Variants in APOBEC3B observed in about 807,000 individuals in gnomAD.
APOBEC3B encodes DNA dC->dU-editing enzyme APOBEC-3B.
APOBEC3B carries 29 observed loss-of-function variants against 53.4 expected under a neutral mutation model. The observed-to-expected ratio is 0.54, with a 90% confidence interval of 0.40 to 0.74. APOBEC3B has a LOEUF of 0.74. APOBEC3B is among the 30% of genes least tolerant of loss of function. The pLI, the probability that APOBEC3B is intolerant of heterozygous loss-of-function variation, is 0.00. For missense variants in APOBEC3B, 347 were observed against 496.2 expected, an observed-to-expected ratio of 0.70 and a Z score of 2.86; for synonymous variants, 132 against 184.8, an observed-to-expected ratio of 0.71 and a Z score of 2.32.
rs140447432 is a variant in APOBEC3B at position 38,988,744 on chromosome 22, T to G, written c.570-713T>G. 1.0e-3 allele frequency among the ~76,000 whole-genome samples: 118 copies of G among 116,262 alleles called. 7 individuals carry two copies. Among genetic ancestry groups the G allele is most frequent in the Middle Eastern group, 7.9e-3 (2 of 254 alleles). The allele number at this position is 116,262 out of a possible 152,430, so 76.3% of individuals were successfully genotyped here. A position where few individuals can be genotyped will look rare whatever the true frequency, so the allele number is the denominator to read the frequency against. ...TTCTTTCTTTCTTTCTTTCTTTCTT[T>G]CTTCCTTTCTTCTCTCTCGTCTTTC... On this transcript the variant is annotated intron_variant, in intron 4 of 7. Transcript: ENST00000333467.
rs1424312731 is a variant in APOBEC3B at position 38,982,599 on chromosome 22, C to A, written c.17+129C>A. 3 of 1,117,376 alleles carry A rather than the reference C, an allele frequency of 2.7e-6. 1 individual carries two copies. Among genetic ancestry groups the A allele is most frequent in the African/African-American group, 3.1e-5 (2 of 64,628 alleles). 69.2% of individuals were successfully genotyped at this position (1,117,376 alleles called of 1,614,324 possible). ...GGCTCCCTCCCCTCTGGCTCCCCTGCCACACGAATCCCAGTCAGGCTCTTT... is the reference window on the plus strand; with the variant it reads ...GGCTCCCTCCCCTCTGGCTCCCCTGACACACGAATCCCAGTCAGGCTCTTT... On this transcript the variant is annotated intron_variant, in intron 1 of 7. Coordinates refer to ENST00000333467, the MANE Select transcript of APOBEC3B (RefSeq NM_004900.5).
rs1194053025 is a variant in APOBEC3B, at chr22:38,986,688, G to T, written c.569+276G>T. Among the ~76,000 whole-genome samples the T allele has an allele frequency of 2.0e-5, 3 of 148,870 alleles. 1 individual carries two copies. The highest frequency in any genetic ancestry group is 4.5e-5 in the Non-Finnish European group (3 of 67,312). ...GACAGGGTGGCCTGGGACACCAGCC[G>T]CTGCCCTTCTGTGACATGGGGACAA... On this transcript the variant is annotated intron_variant, in intron 4 of 7. Transcript: ENST00000333467.
At position 38,982,377 on chromosome 22, in the gene APOBEC3B, C is replaced by T. The variant is rs938761058; in HGVS notation, c.-77C>T. 1.5e-5 allele frequency: 24 copies of T among 1,567,218 alleles called. 3 individuals carry two copies. The highest frequency in any genetic ancestry group is 1.7e-4 in the Middle Eastern group (1 of 5,958). On this transcript the variant is annotated 5_prime_UTR_variant, in exon 1 of 8. The change creates a new upstream start codon in the 5' untranslated region. Coordinates refer to ENST00000333467, the MANE Select transcript of APOBEC3B (RefSeq NM_004900.5). ...AAGGAGGGCTGTCCAACTGCAAGGA[C>T]GCTGTAAGCAGGAAGTGAAACCACA... is the stretch of plus-strand genomic sequence containing the variant.
chr22:38,986,970 G>A (rs963310094), intron 4 of APOBEC3B, among the ~76,000 whole-genome samples: 4 of 148,566 alleles, frequency 2.7e-5, no homozygotes, highest in African/African-American at 9.8e-5. Flanking sequence ...ATTCCTGAGG[G>A]CAGGATCCAG....
At chr22:38,987,659 T>C (rs1489142599) in intron 4 of APOBEC3B, among the ~76,000 whole-genome samples, 1 of 148,410 alleles carries the variant, frequency 6.7e-6, no homozygotes, top group Non-Finnish European at 1.5e-5. Flanking sequence ...AGAAAATAAG[T>C]CATTTCTTCC....
At position 38,986,085 on chromosome 22, in the gene APOBEC3B, T is replaced by G. The variant is rs139856160; in HGVS notation, c.448T>G (p.Tyr150Asp). 3.2e-4 allele frequency: 510 copies of G among 1,591,114 alleles called. 74 individuals are homozygous for G. The highest frequency in any genetic ancestry group is 2.2e-3 in the East Asian group (85 of 38,886). ...AGGAGCCCGCGTGACGATCATGGAC[T>G]ATGAAGGTGAGAGGTGGAGGGGTCA... is the stretch of plus-strand genomic sequence containing the variant. ...QAGARVTIMD[Y>D]EEFAYCWENF... Residue 150 changes from tyrosine to aspartate, a missense_variant, in exon 3 of 8, where the codon TAT becomes GAT. This residue lies in a region of APOBEC3B where 156 missense variants were observed against 166.7 expected (regional missense o/e 0.94). Transcript: ENST00000333467.
intron 2 of APOBEC3B, among the ~76,000 whole-genome samples, chr22:38,985,464 A>G (rs1366471745): frequency 6.7e-6 from 1 of 148,240 alleles, no homozygotes; most frequent in Non-Finnish European, 1.5e-5. Context: ...AAGAGGAAGC[A>G]GGAGTTTAGT....
intron 1 of APOBEC3B, among the ~76,000 whole-genome samples, chr22:38,983,129 C>G (rs1448481316): frequency 4.1e-5 from 6 of 147,654 alleles, no homozygotes; most frequent in Non-Finnish European, 7.5e-5. Context: ...CCAACCTGGC[C>G]CATATGGTGA....
At chr22:38,989,367 C>A in intron 4 of APOBEC3B, 90 bp from the exon 5 acceptor site, 2 of 1,262,566 alleles carry the variant, frequency 1.6e-6, no homozygotes, top group East Asian at 2.9e-5. Context: ...ATATGGGGAG[C>A]AGGGAAGGAG....
At chr22:38,988,176 T>G (rs574224170) in intron 4 of APOBEC3B, among the ~76,000 whole-genome samples, 1 of 148,650 alleles carries the variant, frequency 6.7e-6, no homozygotes, top group East Asian at 2.3e-4. Flanking sequence ...CTGGGGCCTC[T>G]CTTTTCCTCC....
chr22:38,990,660 T>C (rs1314144419), intron 5 of APOBEC3B, among the ~76,000 whole-genome samples: 1 of 147,894 alleles, frequency 6.8e-6, no homozygotes, highest in Non-Finnish European at 1.5e-5. Flanking sequence ...TAAGTCTATA[T>C]CACATTTGGG....
At position 38,985,234 on chromosome 22, in the gene APOBEC3B, T is replaced by G. The variant is rs759090026; in HGVS notation, c.175-578T>G. On this transcript the variant is annotated intron_variant, in intron 2 of 7. Transcript: ENST00000333467. ...AGTTCTGTTTTTTTGTTTTGTTTTG[T>G]TTTGGTTTTTTTTTAAGACTGAGTT... Among the ~76,000 whole-genome samples, 11 of 147,498 alleles carry G rather than the reference T, an allele frequency of 7.5e-5. 1 individual carries two copies. The highest frequency in any genetic ancestry group is 4.5e-4 in the South Asian group (2 of 4,494).
In APOBEC3B at chr22:38,992,536, A is replaced by G. The variant is rs760188006; in HGVS notation, c.*91A>G. 1.9e-6 allele frequency: 3 copies of G among 1,604,272 alleles called. No individual in the cohort carries two copies. Among genetic ancestry groups the G allele is most frequent in the Non-Finnish European group, 2.6e-6 (3 of 1,172,956 alleles). ...TCCAAGAAATGCAAACAGACCGTTC[A>G]CCACCATCTCCAGCTGCTCACAGAC... On this transcript the variant is annotated 3_prime_UTR_variant, in exon 8 of 8. Transcript: ENST00000333467.
chr22:38,992,071 G>C lies in APOBEC3B; in HGVS notation c.1056G>C (p.Gln352His), dbSNP rs762894949. The part of the protein sequence containing the change: ...EYCWDTFVYR[Q>H]GCPFQPWDGL... Reference sequence around the variant, plus strand: ...GCTGGGACACCTTTGTGTACCGCCAGGGATGTCCCTTCCAGCCCTGGGATG... The same window carrying C: ...GCTGGGACACCTTTGTGTACCGCCACGGATGTCCCTTCCAGCCCTGGGATG... Residue 352 changes from glutamine (Q) to histidine (H), a missense_variant, in exon 7 of 8, where the codon CAG becomes CAC. Physicochemically the swap from Gln to His is conservative, Grantham distance 24. Coordinates refer to ENST00000333467, the MANE Select transcript of APOBEC3B (RefSeq NM_004900.5). The C allele has an allele frequency of 4.4e-6, 7 of 1,591,594 alleles. 1 individual carries two copies. Among genetic ancestry groups the C allele is most frequent in the Admixed American group, 1.8e-5 (1 of 56,054 alleles).
chr22:38,988,867 G>GT (rs1489269027), intron 4 of APOBEC3B, among the ~76,000 whole-genome samples: 1 of 146,362 alleles, frequency 6.8e-6, no homozygotes, highest in Non-Finnish European at 1.5e-5. Context: ...TGGGGCTGGT[G>GT]TTTCCAGCCC....
chr22:38,987,283 C>G (rs1270173839), intron 4 of APOBEC3B, among the ~76,000 whole-genome samples: 3 of 148,082 alleles, frequency 2.0e-5, no homozygotes, highest in Non-Finnish European at 1.5e-5. Flanking sequence ...CAGCCCCAGC[C>G]CTGGGCTCTC....
chr22:38,986,124 G>T (rs1018086560), intron 3 of APOBEC3B, 33 bp downstream of exon 3: 1 of 1,583,850 alleles, frequency 6.3e-7, no homozygotes, highest in Non-Finnish European at 8.6e-7. Context: ...GAGCGTGAGC[G>T]GGAGGAACAG....
rs113792154 is a variant in APOBEC3B, at chr22:38,989,522, G to A, written c.635G>A (p.Arg212His). The A allele has an allele frequency of 7.7e-5, 122 of 1,589,228 alleles. 12 individuals are homozygous for A. The highest frequency in any genetic ancestry group is 3.2e-4 in the South Asian group (28 of 88,516). Residue 212 changes from arginine (R) to histidine (H), a missense_variant, in exon 5 of 8, where the codon CGC becomes CAC. Physicochemically the swap from Arg to His is conservative, Grantham distance 29. Transcript: ENST00000333467. ...AATGACCCTTTGGTCCTTCGACGGCGCCAGACCTACTTGTGCTATGAGGTG... is the reference window on the plus strand; with the variant it reads ...AATGACCCTTTGGTCCTTCGACGGCACCAGACCTACTTGTGCTATGAGGTG... ...FNNDPLVLRR[R>H]QTYLCYEVER...
At chr22:38,989,321 G>C (rs1348057795) in intron 4 of APOBEC3B, 136 bp from the exon 5 acceptor site, 1 of 751,798 alleles carries the variant, frequency 1.3e-6, no homozygotes, top group Non-Finnish European at 2.0e-6. Context: ...CCCCCACAAA[G>C]GGAGTGGAAG....
Sources: gnomAD v4.1 joint callset for allele counts (sites outside exome capture counted in the v4.1 genomes callset) on GRCh38, gnomAD v4.1.1 for gene constraint, gnomAD v4.1.1 regional missense constraint, MANE v1.5 for transcripts, NCBI Gene and HGNC (gene_info 2026-07-23, HGNC 2026-07-21) for gene names.